EPB41: variants seen among roughly 807,000 people sequenced by gnomAD.
EPB41 encodes the protein protein 4.1.
In EPB41, 65 loss-of-function variants were observed where a neutral mutation model predicts 108.0. That is an observed-to-expected ratio of 0.60 (90% CI 0.49 to 0.74). The LOEUF (loss-of-function observed/expected upper bound fraction) is 0.74. EPB41 is among the 30% of genes least tolerant of loss of function. The probability of loss-of-function intolerance (pLI) is 0.00; values close to 1 mark genes in which losing one functional copy is unlikely to be tolerated. For synonymous variants in EPB41, 336 were observed against 358.9 expected, an observed-to-expected ratio of 0.94 and a Z score of 0.72; for missense variants, 875 against 1,037.0, an observed-to-expected ratio of 0.84 and a Z score of 2.15.
Position 29,018,543 on chromosome 1 carries a change from A to G in EPB41, c.1124+101A>G, listed in dbSNP as rs1188762684. On this transcript the variant is annotated intron_variant, in intron 7 of 20. Transcript: ENST00000343067. This position sits in a 1 kb window ranked among gnomAD's most constrained non-coding sequence, Gnocchi z 4.4. ...TTTGCCTAAGAGGGATCATGGTGCC[A>G]TAGAAAGAGTCAGTTTCCTCCACTG... is the stretch of plus-strand genomic sequence containing the variant. The G allele has an allele frequency of 1.7e-5, 20 of 1,196,116 alleles. No homozygotes were observed. Among genetic ancestry groups the G allele is most frequent in the Non-Finnish European group, 2.5e-5 (20 of 807,414 alleles). 74.1% of individuals were successfully genotyped at this position (1,196,116 alleles called of 1,614,324 possible). A position where few individuals can be genotyped will look rare whatever the true frequency, so the allele number is the denominator to read the frequency against.
At chr1:28,968,876 A>T (rs1352588072) in intron 1 of EPB41, among the ~76,000 whole-genome samples, 1 of 151,748 alleles carries the variant, frequency 6.6e-6, no homozygotes, top group Non-Finnish European at 1.5e-5. Context: ...GAGACGTGAC[A>T]ATCACTTGAA....
Position 28,987,540 on chromosome 1 carries a change from C to T in EPB41, c.103C>T (p.Gln35Ter). 2.5e-6 allele frequency: 4 copies of T among 1,614,132 alleles called. No individual in the cohort carries two copies. Among genetic ancestry groups the T allele is most frequent in the Non-Finnish European group, 3.4e-6 (4 of 1,180,030 alleles). ...AINSGQQEPQ[Q>*]EESCQTAAEG... ...AAACTCAGGCCAACAAGAACCTCAGCAGGAGGAATCTTGTCAAACAGCAGC... is the reference window on the plus strand; with the variant it reads ...AAACTCAGGCCAACAAGAACCTCAGTAGGAGGAATCTTGTCAAACAGCAGC... The change falls in exon 2 of 21, where the codon CAG becomes TAG. Residue 35 changes from glutamine (Q) to a stop codon, truncating the protein, a stop_gained. Transcript: ENST00000343067. LOFTEE classifies it high-confidence loss of function.
chr1:28,965,933 A>G (rs939117286), intron 1 of EPB41, among the ~76,000 whole-genome samples: 1 of 152,198 alleles, frequency 6.6e-6, no homozygotes, highest in African/African-American at 2.4e-5. Flanking sequence ...CTGTAACCCC[A>G]GCACTGTGGG....
intron 2 of EPB41, among the ~76,000 whole-genome samples, chr1:28,991,570 G>A (rs556805297): frequency 6.6e-6 from 1 of 151,952 alleles, no homozygotes; most frequent in South Asian, 2.1e-4. Flanking sequence ...TAGGCATGGT[G>A]GCTCTCCTGT....
intron 16 of EPB41, among the ~76,000 whole-genome samples, chr1:29,066,982 T>TA (rs948193122): frequency 4.6e-5 from 7 of 151,492 alleles, no homozygotes; most frequent in Admixed American, 2.6e-4. Flanking sequence ...GCTAAAACTT[T>TA]TTTTTTTTTA....
chr1:29,017,761 A>G (rs1219462353), intron 6 of EPB41, among the ~76,000 whole-genome samples: 1 of 152,154 alleles, frequency 6.6e-6, no homozygotes, highest in East Asian at 1.9e-4. Context: ...TTACTACCTG[A>G]CACCGAGCAC....
chr1:29,069,487 C>T (rs1407847409), intron 16 of EPB41: 3 of 1,181,312 alleles, frequency 2.5e-6, no homozygotes, highest in South Asian at 4.4e-5. Context: ...ACATTATAAA[C>T]TTTTATACTT....
At chr1:28,889,577 C>T (rs1392775715) in intron 1 of EPB41, among the ~76,000 whole-genome samples, 2 of 152,238 alleles carry the variant, frequency 1.3e-5, no homozygotes, top group South Asian at 2.1e-4. Context: ...ACTGGCTGGC[C>T]GTGCTGGGCA....
intron 11 of EPB41, among the ~76,000 whole-genome samples, chr1:29,042,717 A>T (rs1375845324): frequency 1.3e-5 from 2 of 151,214 alleles, no homozygotes; most frequent in Non-Finnish European, 2.9e-5. Flanking sequence ...GGCCTCAAGT[A>T]ATCTGCCTGC....
At chr1:29,044,160 G>T (rs1234466438) in intron 11 of EPB41, among the ~76,000 whole-genome samples, 1 of 152,154 alleles carries the variant, frequency 6.6e-6, no homozygotes, top group African/African-American at 2.4e-5. Flanking sequence ...TTTACCTTAT[G>T]TGTGGGGAAT....
In EPB41 at chr1:29,085,136, ATCT is replaced by A. The variant is rs1467519023; in HGVS notation, c.2185-12666_2185-12664del. ...TTAGATCAGTTTTGGAAATACTTTG[ATCT>A]TCTTTTTTTTTTTTTTTTTTTTGAG... On this transcript the variant is annotated intron_variant, in intron 16 of 20. Transcript: ENST00000343067. Among the ~76,000 whole-genome samples the A allele has an allele frequency of 3.5e-5, 5 of 144,170 alleles. No homozygotes were observed. In the South Asian group the frequency reaches 6.6e-4, roughly 19 times the overall value. 94.6% of individuals were successfully genotyped at this position (144,170 alleles called of 152,430 possible).
At chr1:29,059,310 G>A (rs1646110012) in intron 14 of EPB41, among the ~76,000 whole-genome samples, 1 of 152,048 alleles carries the variant, frequency 6.6e-6, no homozygotes, top group African/African-American at 2.4e-5. Context: ...TGTACTATAT[G>A]TTGAAAAGTT....
At chr1:29,008,903 C>T (rs2096455598) in intron 4 of EPB41, among the ~76,000 whole-genome samples, 1 of 152,162 alleles carries the variant, frequency 6.6e-6, no homozygotes, top group Non-Finnish European at 1.5e-5. Context: ...ACTCATTTGT[C>T]CTTCAAGACT....
chr1:29,092,784 T>C (rs973906613), intron 16 of EPB41, among the ~76,000 whole-genome samples: 2 of 152,116 alleles, frequency 1.3e-5, no homozygotes, highest in African/African-American at 2.4e-5. Context: ...GTCCCACTTA[T>C]AAGTGAGAAC....
chr1:29,036,970 G>A (rs111917209), intron 10 of EPB41, among the ~76,000 whole-genome samples: 9 of 152,018 alleles, frequency 5.9e-5, no homozygotes, highest in African/African-American at 9.6e-5. Flanking sequence ...GTGAGCCACC[G>A]TGCCTGGCCA....
At chr1:28,957,380 T>C (rs1395434897) in intron 1 of EPB41, among the ~76,000 whole-genome samples, 5 of 152,242 alleles carry the variant, frequency 3.3e-5, no homozygotes, top group Admixed American at 3.3e-4. Flanking sequence ...GGAAAAAGAA[T>C]GTTCAATCTG....
At chr1:29,075,923 T>C (rs929914416) in intron 16 of EPB41, among the ~76,000 whole-genome samples, 3 of 152,218 alleles carry the variant, frequency 2.0e-5, no homozygotes, top group Non-Finnish European at 4.4e-5. Flanking sequence ...ATTTAGAGAT[T>C]TGGAGGCCAG....
At chr1:28,895,160 A>G (rs187307566) in intron 1 of EPB41, among the ~76,000 whole-genome samples, 1 of 152,340 alleles carries the variant, frequency 6.6e-6, no homozygotes, top group Non-Finnish European at 1.5e-5. Context: ...ATTATTATCC[A>G]TAATGCTATT....
intron 7 of EPB41, among the ~76,000 whole-genome samples, chr1:29,025,590 T>G (rs765653765): frequency 1.3e-5 from 2 of 152,046 alleles, no homozygotes; most frequent in Non-Finnish European, 2.9e-5. Flanking sequence ...CAAAAAATAA[T>G]TTATTTTGTG....
Sources: allele counts gnomAD v4.1 joint callset (sites outside exome capture counted in the v4.1 genomes callset), GRCh38; gene constraint gnomAD v4.1.1; non-coding constraint Gnocchi (gnomAD v3.1); transcripts MANE v1.5; gene names NCBI Gene and HGNC (gene_info 2026-07-23, HGNC 2026-07-21).